Variants in CADM1 observed in about 807,000 individuals in gnomAD.
The protein encoded by CADM1 is TSLC-1.
In CADM1, 15 loss-of-function variants were observed where a neutral mutation model predicts 53.1. The observed-to-expected ratio is 0.28, with a 90% CI of 0.19 to 0.44. The LOEUF is 0.44. CADM1 is among the 20% of genes least tolerant of loss of function. The pLI is 1.00. For missense variants in CADM1, 434 were observed against 611.3 expected (o/e 0.71, Z 3.06); for synonymous variants, 281 against 243.0 (o/e 1.16, Z -1.45).
At chr11:115,504,170 G>A (rs1949798592) in intron 1 of CADM1, 101 bp downstream of exon 1, 7 of 1,502,092 alleles carry the variant, frequency 4.7e-6, no homozygotes, top group Non-Finnish European at 5.4e-6. Context: ...GATGTAGGAA[G>A]TGGGGGGAGG....
At chr11:115,339,695 A>G (rs1429729065) in intron 1 of CADM1, among the ~76,000 whole-genome samples, 1 of 152,200 alleles carries the variant, frequency 6.6e-6, no homozygotes, top group Admixed American at 6.5e-5. Context: ...ATCAAAGTAT[A>G]GAAAATGAAA....
chr11:115,435,326 C>T (rs1948159026), intron 1 of CADM1, among the ~76,000 whole-genome samples: 1 of 151,952 alleles, frequency 6.6e-6, no homozygotes, highest in African/African-American at 2.4e-5. Context: ...CAAAGCCAGC[C>T]CAAAAGCTAG....
chr11:115,415,787 T>C (rs887667460), intron 1 of CADM1, among the ~76,000 whole-genome samples: 2 of 119,904 alleles, frequency 1.7e-5, no homozygotes, highest in African/African-American at 6.6e-5. Context: ...ATTGCTCCAC[T>C]GCACTCCAGC....
chr11:115,350,409 G>A (rs557203022), intron 1 of CADM1, among the ~76,000 whole-genome samples: 1 of 152,200 alleles, frequency 6.6e-6, no homozygotes, highest in Non-Finnish European at 1.5e-5. Context: ...AGAAGGCAGG[G>A]AAGGGGAGAG....
intron 1 of CADM1, among the ~76,000 whole-genome samples, chr11:115,274,381 C>A (rs1445527845): frequency 1.3e-5 from 2 of 152,252 alleles, no homozygotes; most frequent in Admixed American, 1.3e-4. Flanking sequence ...TTCACTATCC[C>A]CATCAATCTG....
chr11:115,357,550 C>T (rs571291708), intron 1 of CADM1, among the ~76,000 whole-genome samples: 1 of 152,230 alleles, frequency 6.6e-6, no homozygotes, highest in African/African-American at 2.4e-5. Context: ...TCGGTGTTGT[C>T]CACTTATTAG....
chr11:115,345,430 G>A (rs931793052), intron 1 of CADM1, among the ~76,000 whole-genome samples: 11 of 152,164 alleles, frequency 7.2e-5, no homozygotes, highest in African/African-American at 2.7e-4. Context: ...GAAAGAATTG[G>A]ATGGGGTTGA....
intron 1 of CADM1, among the ~76,000 whole-genome samples, chr11:115,378,459 G>A (rs1308001605): frequency 6.6e-6 from 1 of 152,002 alleles, no homozygotes; most frequent in East Asian, 1.9e-4. Context: ...CCTGCACTAT[G>A]GAAAACTGCA....
In CADM1 at chr11:115,478,138, C is replaced by T. The variant is rs314506; in HGVS notation, c.124+26133G>A. On this transcript the variant is annotated intron_variant, in intron 1 of 11. Transcript: ENST00000331581. ...CAATAATCATTCAAATACTTTTAAA[C>T]TATAAATTATACATAAAATTCCTAA... Among the ~76,000 whole-genome samples, 707 of 152,222 alleles carry T rather than the reference C, an allele frequency of 4.6e-3. 5 individuals carry two copies. Among genetic ancestry groups the T allele is most frequent in the African/African-American group, 0.015 (606 of 41,554 alleles).
rs1009279965 is a variant in CADM1, at chr11:115,409,142, G to A, written c.124+95129C>T. ...TCCACCTGTGCAGGAGACTTCAAAA[G>A]CCAGATAAGAAAGAAGAAAGAGGCT... is the stretch of plus-strand genomic sequence containing the variant. On this transcript the variant is annotated intron_variant, in intron 1 of 11. Coordinates refer to ENST00000331581, the MANE Select transcript of CADM1 (RefSeq NM_001301043.2). 6.6e-5 allele frequency among the ~76,000 whole-genome samples: 10 copies of A among 152,226 alleles called. No individual in the cohort carries two copies. In the South Asian group the frequency reaches 2.1e-3, roughly 32 times the overall value.
chr11:115,426,478 A>G (rs1157803776), intron 1 of CADM1, among the ~76,000 whole-genome samples: 4 of 152,144 alleles, frequency 2.6e-5, no homozygotes, highest in African/African-American at 7.2e-5. Context: ...CTTAGCCTGT[A>G]AAGAAAGCCT....
At chr11:115,408,727 T>C (rs1241485897) in intron 1 of CADM1, among the ~76,000 whole-genome samples, 1 of 152,190 alleles carries the variant, frequency 6.6e-6, no homozygotes, top group Admixed American at 6.6e-5. Context: ...GGCTCCTAAA[T>C]AGTCCAAATC....
chr11:115,228,238 G>A (rs1941686881), intron 5 of CADM1, among the ~76,000 whole-genome samples: 1 of 152,198 alleles, frequency 6.6e-6, no homozygotes, highest in East Asian at 1.9e-4. Context: ...TTGGACTTCT[G>A]GCCTAAAGCG....
At chr11:115,481,641 C>T (rs747505794) in intron 1 of CADM1, among the ~76,000 whole-genome samples, 7 of 152,226 alleles carry the variant, frequency 4.6e-5, no homozygotes, top group Non-Finnish European at 8.8e-5. Context: ...AATCCCAACA[C>T]TGTCTGCTTT....
At chr11:115,241,476 G>C (rs1217032852) in intron 1 of CADM1, among the ~76,000 whole-genome samples, 4 of 152,198 alleles carry the variant, frequency 2.6e-5, no homozygotes, top group Admixed American at 6.5e-5. Flanking sequence ...AGGGGAGAGA[G>C]AGAGACTGCT....
chr11:115,361,076 C>T (rs1282695683), intron 1 of CADM1, among the ~76,000 whole-genome samples: 1 of 152,126 alleles, frequency 6.6e-6, no homozygotes, highest in Non-Finnish European at 1.5e-5. Flanking sequence ...TGCCCTACTT[C>T]TTGATCTCAA....
intron 1 of CADM1, among the ~76,000 whole-genome samples, chr11:115,277,962 T>A (rs1943487865): frequency 6.6e-6 from 1 of 152,154 alleles, no homozygotes; most frequent in Admixed American, 6.5e-5. Context: ...GTTTCTTCCA[T>A]CCCTGGTATC....
intron 1 of CADM1, among the ~76,000 whole-genome samples, chr11:115,302,143 G>A (rs551912637): frequency 6.6e-6 from 1 of 152,022 alleles, no homozygotes; most frequent in East Asian, 1.9e-4. Flanking sequence ...ACACACCGGG[G>A]CCTATTGGAG....
At chr11:115,493,803 G>A (rs1042518605) in intron 1 of CADM1, among the ~76,000 whole-genome samples, 4 of 152,062 alleles carry the variant, frequency 2.6e-5, no homozygotes, top group Non-Finnish European at 4.4e-5. Flanking sequence ...AAAAGAGCAG[G>A]TGGATTCATC....
Sources: gnomAD v4.1 joint callset for allele counts (sites outside exome capture counted in the v4.1 genomes callset) on GRCh38, gnomAD v4.1.1 for gene constraint, MANE v1.5 for transcripts, NCBI Gene and HGNC (gene_info 2026-07-23, HGNC 2026-07-21) for gene names.